ZNRF3: variants seen among roughly 807,000 people sequenced by gnomAD.
ZNRF3 encodes zinc and ring finger 3.
ZNRF3 carries 23 observed loss-of-function variants against 72.5 expected under a neutral mutation model. That is an observed-to-expected ratio of 0.32 (90% CI 0.23 to 0.45). The LOEUF (loss-of-function observed/expected upper bound fraction) is 0.45, where lower values mean the gene tolerates loss of function less well. Ranked by LOEUF, ZNRF3 falls within the 20% of genes least tolerant of loss-of-function variation. The pLI, the probability that ZNRF3 is intolerant of heterozygous loss-of-function variation, is 1.00. For missense variants in ZNRF3, 1,169 were observed against 1,272.1 expected (o/e 0.92, Z 1.23); for synonymous variants, 610 against 545.3 (o/e 1.12, Z -1.65).
At chr22:28,949,298 A>G (rs930974206) in intron 1 of ZNRF3, among the ~76,000 whole-genome samples, 1 of 149,266 alleles carries the variant, frequency 6.7e-6, no homozygotes, top group Non-Finnish European at 1.5e-5. Context: ...TTTTTGAGTC[A>G]GGGTCTGACT....
At chr22:28,982,982 G>A (rs1274499346) in intron 1 of ZNRF3, among the ~76,000 whole-genome samples, 10 of 152,202 alleles carry the variant, frequency 6.6e-5, no homozygotes, top group Non-Finnish European at 1.2e-4. Flanking sequence ...GCTCAGGAGA[G>A]AGGGAACTTA....
intron 1 of ZNRF3, among the ~76,000 whole-genome samples, chr22:28,981,046 G>A (rs1041393057): frequency 6.6e-6 from 1 of 152,206 alleles, no homozygotes; most frequent in Non-Finnish European, 1.5e-5. Flanking sequence ...GCTACATTAA[G>A]TTCAAAGTTA....
intron 1 of ZNRF3, among the ~76,000 whole-genome samples, chr22:28,977,907 A>G (rs556820349): frequency 6.8e-4 from 103 of 152,348 alleles, no homozygotes; most frequent in African/African-American, 2.4e-3. Context: ...TCTTGGTTTC[A>G]AAGTTTGGCT....
At chr22:28,967,279 T>A (rs1331251336) in intron 1 of ZNRF3, among the ~76,000 whole-genome samples, 1 of 152,234 alleles carries the variant, frequency 6.6e-6, no homozygotes, top group Non-Finnish European at 1.5e-5. Context: ...TTGACTACAG[T>A]ACAGTAACAT....
chr22:28,981,696 T>C (rs991580907), intron 1 of ZNRF3, among the ~76,000 whole-genome samples: 1 of 152,340 alleles, frequency 6.6e-6, no homozygotes, highest in South Asian at 2.1e-4. Context: ...TATAGCATCC[T>C]TCACTTAGGT....
chr22:28,920,939 C>T (rs917095670), intron 1 of ZNRF3, among the ~76,000 whole-genome samples: 21 of 152,202 alleles, frequency 1.4e-4, no homozygotes, highest in Non-Finnish European at 4.4e-5. Context: ...GTGATTTGCC[C>T]CCAGTCACAC....
At chr22:28,991,225 C>T (rs1404571739) in intron 2 of ZNRF3, among the ~76,000 whole-genome samples, 2 of 127,474 alleles carry the variant, frequency 1.6e-5, no homozygotes, top group East Asian at 5.0e-4. Flanking sequence ...AAGGCTGCAG[C>T]GAGCTGAGAT....
At chr22:28,927,281 C>A (rs185678158) in intron 1 of ZNRF3, among the ~76,000 whole-genome samples, 2 of 152,002 alleles carry the variant, frequency 1.3e-5, no homozygotes, top group Non-Finnish European at 2.9e-5. Flanking sequence ...AAGCACCGGG[C>A]GTGGTGGCTC....
intron 2 of ZNRF3, among the ~76,000 whole-genome samples, chr22:29,005,079 A>G (rs1002851357): frequency 6.6e-6 from 1 of 152,136 alleles, no homozygotes; most frequent in African/African-American, 2.4e-5. Context: ...CCTGGTTCTC[A>G]GGCTGGGAAC....
At chr22:28,960,085 G>A (rs1476184158) in intron 1 of ZNRF3, among the ~76,000 whole-genome samples, 1 of 152,134 alleles carries the variant, frequency 6.6e-6, no homozygotes, top group Non-Finnish European at 1.5e-5. Flanking sequence ...ATCTGTTCTT[G>A]GCCTGTTTTC....
chr22:28,924,000 G>C (rs547695479), intron 1 of ZNRF3, among the ~76,000 whole-genome samples: 1 of 152,370 alleles, frequency 6.6e-6, no homozygotes, highest in South Asian at 2.1e-4. Flanking sequence ...GCTTTGCCCC[G>C]GGCGGGAACC....
At chr22:28,989,346 TCTCTCTCTTCCTCC>T (rs1428137970) in intron 2 of ZNRF3, among the ~76,000 whole-genome samples, 2 of 152,186 alleles carry the variant, frequency 1.3e-5, no homozygotes, top group Non-Finnish European at 2.9e-5. Flanking sequence ...AGTCAAGATC[TCTCTCTCTTCCTCC>T]CTCTCTCTCC....
At chr22:29,003,513 C>CAAAA (rs796336147) in intron 2 of ZNRF3, among the ~76,000 whole-genome samples, 19 of 103,240 alleles carry the variant, frequency 1.8e-4, no homozygotes, top group South Asian at 3.3e-4. Context: ...GACTCCGACT[C>CAAAA]AAAAAAAAAA....
At chr22:28,951,499 T>G (rs1253149865) in intron 1 of ZNRF3, among the ~76,000 whole-genome samples, 1 of 152,172 alleles carries the variant, frequency 6.6e-6, no homozygotes, top group African/African-American at 2.4e-5. Flanking sequence ...CACCAGAAGC[T>G]AGGGGAGAGG....
chr22:28,962,859 A>C (rs962039350), intron 1 of ZNRF3, among the ~76,000 whole-genome samples: 8 of 152,236 alleles, frequency 5.3e-5, no homozygotes, highest in Non-Finnish European at 1.0e-4. Flanking sequence ...GTGCAGTGTT[A>C]TAGGCAGGGG....
intron 1 of ZNRF3, 35 bp downstream of exon 1, chr22:28,884,101 C>T: frequency 2.6e-6 from 3 of 1,167,798 alleles, no homozygotes; most frequent in Non-Finnish European, 3.2e-6. Flanking sequence ...GCGCCGCCTC[C>T]GCCACAAGAT....
intron 2 of ZNRF3, among the ~76,000 whole-genome samples, chr22:28,990,348 G>T (rs1285288879): frequency 6.6e-6 from 1 of 152,178 alleles, no homozygotes; most frequent in Non-Finnish European, 1.5e-5. Context: ...GTCCTAAGAA[G>T]TTAAAATAGA....
At chr22:29,013,989 T>C (rs941850882) in intron 2 of ZNRF3, among the ~76,000 whole-genome samples, 1 of 152,208 alleles carries the variant, frequency 6.6e-6, no homozygotes, top group Non-Finnish European at 1.5e-5. Context: ...CTTGCATTGC[T>C]AATAATGCTA....
At chr22:29,031,783 A>C (rs1433497234) in intron 2 of ZNRF3, among the ~76,000 whole-genome samples, 2 of 152,138 alleles carry the variant, frequency 1.3e-5, no homozygotes, top group Non-Finnish European at 2.9e-5. Context: ...GGTGCTCTCC[A>C]TCGTGTTAAC....
Sources: gnomAD v4.1 joint callset for allele counts (sites outside exome capture counted in the v4.1 genomes callset) on GRCh38, gnomAD v4.1.1 for gene constraint, MANE v1.5 for transcripts, NCBI Gene and HGNC (gene_info 2026-07-23, HGNC 2026-07-21) for gene names.